The following SNRNP200 variants were observed in gnomAD, a reference collection of about 807,000 sequenced individuals.
SNRNP200 encodes the protein small nuclear ribonucleoprotein U5 subunit 200.
A neutral mutation model predicts 255.2 loss-of-function variants in SNRNP200; 66 were observed. The observed-to-expected ratio is 0.26, with a 90% CI of 0.21 to 0.32. SNRNP200 has a LOEUF of 0.32. Among genes scored for constraint, SNRNP200 ranks in the 10% least tolerant of loss-of-function variants. The probability of loss-of-function intolerance (pLI) is 1.00; values close to 1 mark genes in which losing one functional copy is unlikely to be tolerated. For missense variants in SNRNP200, 1,585 were observed against 2,749.8 expected, an observed-to-expected ratio of 0.58 and a Z score of 9.47; for synonymous variants, 939 against 1,027.8, an observed-to-expected ratio of 0.91 and a Z score of 1.65.
rs148536213 is a variant in SNRNP200, at chr2:96,288,426, G to A, written c.3258+237C>T. On this transcript the variant is annotated intron_variant, in intron 24 of 44. Transcript: ENST00000323853. ...GCTGTGGCTCTTCCTGTCTCTCTGA[G>A]GGCCCGTGGAGCCTCGAAGCATTCC... 3.3e-3 allele frequency among the ~76,000 whole-genome samples: 505 copies of A among 152,308 alleles called. 2 individuals carry two copies. Among genetic ancestry groups the A allele is most frequent in the African/African-American group, 0.011 (475 of 41,566 alleles).
Position 96,295,663 on chromosome 2 carries a change from G to T in SNRNP200, c.1672-5C>A, listed in dbSNP as rs2063912399. On this transcript the variant is annotated splice_polypyrimidine_tract_variant and splice_region_variant and intron_variant, in intron 13 of 44. Coordinates refer to ENST00000323853, the MANE Select transcript of SNRNP200 (RefSeq NM_014014.5). ...GATGCCATAAGTGGCCAGGCGCTGT[G>T]GGAGGAAAACTACATCAGGCAGGAA... The T allele has an allele frequency of 6.2e-7, 1 of 1,613,172 alleles. No individual in the cohort carries two copies. Among genetic ancestry groups the T allele is most frequent in the African/African-American group, 1.3e-5 (1 of 75,010 alleles).
Position 96,291,829 on chromosome 2 carries a change from T to G in SNRNP200, c.2232A>C (p.Glu744Asp), listed in dbSNP as rs751266064. Residue 744 changes from glutamate (E) to aspartate (D), a missense_variant, in exon 17 of 45, where the codon GAA (glutamate) becomes GAC (aspartate). By Grantham distance (45) the Glu-to-Asp change is conservative (BLOSUM62 2). Transcript: ENST00000323853. The surrounding 1 kb of genome is among the most constrained non-coding windows in gnomAD (Gnocchi z 4.2). ...TARAIRDMCL[E>D]KDTLGLFLRE... ...TCAGAAACAGACCCAGAGTGTCCTT[T>G]TCTAGGCACATGTCCCGGATGGCCC... The G allele has an allele frequency of 4.3e-6, 7 of 1,614,078 alleles. No individual in the cohort carries two copies. The highest frequency in any genetic ancestry group is 5.9e-6 in the Non-Finnish European group (7 of 1,180,048).
In SNRNP200 at chr2:96,298,848, C is replaced by G; in HGVS notation, c.849G>C (p.Gln283His). ...TCTCCAATACTTCATCTGCCTTCTT[C>G]TGCGACACGATGGCATCATCATAGA... is the stretch of plus-strand genomic sequence containing the variant. ...SRFYDDAIVS[Q>H]KKADEVLEIL... The change falls in exon 7 of 45, where the codon CAG becomes CAC. Residue 283 changes from glutamine (Q) to histidine (H), a missense_variant. Around this residue, in one of 9 missense-constraint regions of SNRNP200, gnomAD observed 383 missense variants for 645.3 expected, o/e 0.59. Coordinates refer to ENST00000323853, the MANE Select transcript of SNRNP200 (RefSeq NM_014014.5). 1 of 1,614,196 alleles carries G rather than the reference C, an allele frequency of 6.2e-7. No individual in the cohort carries two copies.
chr2:96,304,532 T>C (rs1233873109), intron 2 of SNRNP200, among the ~76,000 whole-genome samples, 173 bp downstream of exon 2: 1 of 152,248 alleles, frequency 6.6e-6, no homozygotes, highest in Non-Finnish European at 1.5e-5. Context: ...CCACTTGAGA[T>C]GCACTTGTTA....
intron 31 of SNRNP200, 80 bp from the exon 32 acceptor site, chr2:96,284,084 CA>C: frequency 7.5e-7 from 1 of 1,332,936 alleles, no homozygotes. Context: ...GTGAACAGCC[CA>C]ACAGCCTCAA....
chr2:96,287,257 C>T lies in SNRNP200; in HGVS notation c.3485-97G>A. ...ACTGTGGGAAAGGGGTAGGGTCTTC[C>T]CTTTATGGTCAGTGGAGCCCAGGAT... On this transcript the variant is annotated intron_variant, in intron 26 of 44. Coordinates refer to ENST00000323853, the MANE Select transcript of SNRNP200 (RefSeq NM_014014.5). This position sits in a 1 kb window ranked among gnomAD's most constrained non-coding sequence, Gnocchi z 5.7. 6.7e-7 allele frequency: 1 copy of T among 1,483,888 alleles called. No individual in the cohort carries two copies. The highest frequency in any genetic ancestry group is 9.4e-7 in the Non-Finnish European group (1 of 1,062,950). 91.9% of individuals were successfully genotyped at this position (1,483,888 alleles called of 1,614,324 possible). A position where few individuals can be genotyped will look rare whatever the true frequency, so the allele number is the denominator to read the frequency against.
At position 96,279,004 on chromosome 2, in the gene SNRNP200, G is replaced by C. The variant is rs3214062; in HGVS notation, c.5134-6C>G. On this transcript the variant is annotated splice_polypyrimidine_tract_variant and splice_region_variant and intron_variant, in intron 36 of 44. Transcript: ENST00000323853. ...AAGAACTTCTTGAAGAAATCCTGTG[G>C]GTTGGAGAGGGAGAAGGAGTAATAA... 5.4e-4 allele frequency: 865 copies of C among 1,611,342 alleles called. 7 individuals carry two copies. The East Asian group carries it at 0.019, about 35-fold the overall frequency.
chr2:96,284,131 A>G (rs2063826079), intron 31 of SNRNP200, 127 bp from the exon 32 acceptor site: 2 of 1,001,266 alleles, frequency 2.0e-6, no homozygotes, highest in Non-Finnish European at 3.0e-6. Flanking sequence ...AGGAGCTCTC[A>G]TGTGTTTGGT....
chr2:96,298,408 G>C lies in SNRNP200; in HGVS notation c.995C>G (p.Thr332Ser). 4 of 1,614,030 alleles carry C rather than the reference G, an allele frequency of 2.5e-6. No individual in the cohort carries two copies. The highest frequency in any genetic ancestry group is 3.4e-6 in the Non-Finnish European group (4 of 1,180,018). Residue 332 changes from threonine (T) to serine (S), a missense_variant, in exon 9 of 45, where the codon ACC becomes AGC. By Grantham distance (58) the Thr-to-Ser change is moderately conservative. Transcript: ENST00000323853. ...RQHRMMILYC[T>S]LLASAQSEAE... is the part of the protein sequence containing the mutation. ...TTCACTTTGTGCACTGGCCAGCAAG[G>C]TACAGTATAAAACTACCCACAACAA...
Position 96,277,935 on chromosome 2 carries a change from G to A in SNRNP200, c.5626C>T (p.Pro1876Ser), listed in dbSNP as rs1684695395. Residue 1876 changes from proline to serine, a missense_variant, in exon 40 of 45, where the codon CCC becomes TCC. This residue lies in a region of SNRNP200 where 279 missense variants were observed against 551.2 expected (regional missense o/e 0.51). Coordinates refer to ENST00000323853, the MANE Select transcript of SNRNP200 (RefSeq NM_014014.5). This position sits in a 1 kb window ranked among gnomAD's most constrained non-coding sequence, Gnocchi z 4.4. ...AACTTAGGGTTATTCAGCTTGTGGG[G>A]GACCTTCTGAGCCAACTACAAAGTG... ...NLLRQLAQKV[P>S]HKLNNPKFND... 1 of 1,614,200 alleles carries A rather than the reference G, an allele frequency of 6.2e-7. No individual in the cohort carries two copies. Among genetic ancestry groups the A allele is most frequent in the Non-Finnish European group, 8.5e-7 (1 of 1,180,042 alleles).
chr2:96,279,308 G>T, intron 36 of SNRNP200, 143 bp downstream of exon 36: 1 of 727,024 alleles, frequency 1.4e-6, no homozygotes. Context: ...CATGTGGGTG[G>T]CAGGCTCGTC....
At chr2:96,297,217 G>T in intron 11 of SNRNP200, 146 bp downstream of exon 11, 1 of 1,484,918 alleles carries the variant, frequency 6.7e-7, no homozygotes, top group Non-Finnish European at 9.3e-7. Flanking sequence ...TTGTCCCCTG[G>T]GCTCAAAATC....
chr2:96,281,320 C>T, intron 35 of SNRNP200: 1 of 177,366 alleles, frequency 5.6e-6, no homozygotes, highest in South Asian at 1.1e-4. Context: ...GCGCCTGCCA[C>T]CACACTCAGC....
intron 43 of SNRNP200, 103 bp downstream of exon 43, chr2:96,276,801 G>T: frequency 9.6e-7 from 1 of 1,039,494 alleles, no homozygotes; most frequent in Non-Finnish European, 1.5e-6. Flanking sequence ...CTGATTATCA[G>T]TCTAAAGTTT....
rs770734069 is a variant in SNRNP200, at chr2:96,303,183, G to A, written c.357C>T (p.Phe119=). The A allele has an allele frequency of 3.7e-6, 6 of 1,614,214 alleles. No homozygotes were observed. In the Admixed American group the frequency reaches 8.3e-5, roughly 22 times the overall value. Residue 119 remains phenylalanine, a synonymous_variant, in exon 3 of 45, where the codon TTC becomes TTT. Coordinates refer to ENST00000323853, the MANE Select transcript of SNRNP200 (RefSeq NM_014014.5). ...TRETYEVLLS[F]IQAALGDQPR... ...CCTGGTCCCCAAGAGCAGCCTGGAT[G>A]AAGCTGAGTAGCACCTCATAGGTCT...
chr2:96,274,786 A>T lies in SNRNP200; in HGVS notation c.*226T>A. ...CAGACTCAAAAGAACTACCAGGAACATGCCTGAAAATGCTATATATGATTT... is the reference window on the plus strand; with the variant it reads ...CAGACTCAAAAGAACTACCAGGAACTTGCCTGAAAATGCTATATATGATTT... On this transcript the variant is annotated 3_prime_UTR_variant, in exon 45 of 45. Transcript: ENST00000323853. 1.7e-6 allele frequency: 1 copy of T among 584,784 alleles called. No individual in the cohort carries two copies. Among genetic ancestry groups the T allele is most frequent in the South Asian group, 2.0e-5 (1 of 50,716 alleles). 36.2% of individuals were successfully genotyped at this position (584,784 alleles called of 1,614,324 possible). A position where few individuals can be genotyped will look rare whatever the true frequency, so the allele number is the denominator to read the frequency against.
Position 96,283,510 on chromosome 2 carries a change from C to A in SNRNP200, c.4763+25G>T. 1.9e-6 allele frequency: 3 copies of A among 1,613,984 alleles called. No homozygotes were observed. Among genetic ancestry groups the A allele is most frequent in the South Asian group, 2.2e-5 (2 of 91,070 alleles). ...CCAGCCTCACTTAACCTAACCCCAA[C>A]CCCCAGACGCCAGGCCCCACCTACC... On this transcript the variant is annotated intron_variant, in intron 33 of 44. Transcript: ENST00000323853. This position sits in a 1 kb window ranked among gnomAD's most constrained non-coding sequence, Gnocchi z 4.7.
chr2:96,280,452 C>T (rs1173872130), intron 35 of SNRNP200, among the ~76,000 whole-genome samples: 1 of 151,924 alleles, frequency 6.6e-6, no homozygotes, highest in Non-Finnish European at 1.5e-5. Flanking sequence ...GGGCTGAGAT[C>T]ATACCACCGC....
At chr2:96,301,754 C>T (rs756533402) in intron 3 of SNRNP200, 38 bp from the exon 4 acceptor site, 15 of 1,611,078 alleles carry the variant, frequency 9.3e-6, no homozygotes, top group African/African-American at 5.3e-5. Flanking sequence ...TTGAGAACGA[C>T]GACAGGCAAA....
Sources: gnomAD v4.1 joint callset for allele counts (sites outside exome capture counted in the v4.1 genomes callset) on GRCh38, gnomAD v4.1.1 for gene constraint, gnomAD v4.1.1 regional missense constraint, Gnocchi (gnomAD v3.1) non-coding constraint, MANE v1.5 for transcripts, NCBI Gene and HGNC (gene_info 2026-07-23, HGNC 2026-07-21) for gene names.